Variants in ANKS1B observed in about 807,000 individuals in gnomAD.
ANKS1B encodes the protein ankyrin repeat and sterile alpha motif domain containing 1B.
A neutral mutation model predicts 148.3 loss-of-function variants in ANKS1B; 36 were observed. The ratio of observed to expected loss-of-function variants is 0.24; its 90% CI spans 0.19 to 0.32. The LOEUF (loss-of-function observed/expected upper bound fraction) is 0.32, where lower values mean the gene tolerates loss of function less well. ANKS1B is among the 10% of genes least tolerant of loss of function. The pLI, the probability that ANKS1B is intolerant of heterozygous loss-of-function variation, is 1.00. For synonymous variants in ANKS1B, 542 were observed against 560.8 expected (o/e 0.97, Z 0.47); for missense variants, 1,157 against 1,542.6 (o/e 0.75, Z 4.19).
intron 5 of ANKS1B, among the ~76,000 whole-genome samples, chr12:99,781,135 A>G (rs2064276244): frequency 6.6e-6 from 1 of 151,938 alleles, no homozygotes; most frequent in African/African-American, 2.4e-5. Flanking sequence ...TATTAAATAC[A>G]TGTTTAAATT....
intron 9 of ANKS1B, among the ~76,000 whole-genome samples, chr12:99,563,534 A>G (rs2097358878): frequency 6.6e-6 from 1 of 152,158 alleles, no homozygotes; most frequent in African/African-American, 2.4e-5. Flanking sequence ...TAAGTTAACT[A>G]TCCTATAATG....
At chr12:99,956,961 T>A (rs561306741) in intron 1 of ANKS1B, among the ~76,000 whole-genome samples, 4 of 152,232 alleles carry the variant, frequency 2.6e-5, no homozygotes, top group Non-Finnish European at 5.9e-5. Flanking sequence ...AGATATCAGA[T>A]GCTACAACTA....
intron 17 of ANKS1B, chr12:98,895,156 A>G (rs2099762235): frequency 1.0e-6 from 1 of 984,626 alleles, no homozygotes; most frequent in Non-Finnish European, 1.2e-6. Context: ...CCTCACTGCG[A>G]GAGCGATGCG....
intron 12 of ANKS1B, among the ~76,000 whole-genome samples, chr12:99,322,675 T>C (rs972237830): frequency 1.6e-4 from 24 of 152,154 alleles, no homozygotes; most frequent in African/African-American, 4.8e-4. Flanking sequence ...TTTGCCATGC[T>C]CTGAAGTCAC....
At chr12:99,569,939 C>A (rs149643815) in intron 9 of ANKS1B, among the ~76,000 whole-genome samples, 1 of 152,222 alleles carries the variant, frequency 6.6e-6, no homozygotes, top group East Asian at 1.9e-4. Flanking sequence ...GTCAGTTTAC[C>A]AGGGAACACT....
intron 8 of ANKS1B, among the ~76,000 whole-genome samples, chr12:99,721,918 C>G (rs2058127111): frequency 6.6e-6 from 1 of 152,206 alleles, no homozygotes; most frequent in Non-Finnish European, 1.5e-5. Context: ...GAAAGGGAAA[C>G]AGCCTGAATG....
chr12:98,972,371 G>T (rs2099883925), intron 17 of ANKS1B, among the ~76,000 whole-genome samples: 1 of 152,166 alleles, frequency 6.6e-6, no homozygotes, highest in South Asian at 2.1e-4. Context: ...GGATTTATCT[G>T]TATTAGTCGG....
intron 17 of ANKS1B, among the ~76,000 whole-genome samples, chr12:99,024,336 C>G (rs1042759682): frequency 6.6e-6 from 1 of 152,192 alleles, no homozygotes; most frequent in Admixed American, 6.6e-5. Flanking sequence ...ATCTAGTTCA[C>G]TGCTTCTAAC....
chr12:99,304,038 A>C (rs778527534), intron 12 of ANKS1B, among the ~76,000 whole-genome samples: 1 of 152,078 alleles, frequency 6.6e-6, no homozygotes, highest in African/African-American at 2.4e-5. Flanking sequence ...GGTTGGTTCC[A>C]TATTTTTGTG....
At chr12:99,271,311 A>T (rs1318737108) in intron 12 of ANKS1B, among the ~76,000 whole-genome samples, 1 of 152,290 alleles carries the variant, frequency 6.6e-6, no homozygotes, top group African/African-American at 2.4e-5. Flanking sequence ...AACTTCATGA[A>T]GCCTTTGTTG....
chr12:99,632,085 A>G (rs1394284890), intron 9 of ANKS1B, among the ~76,000 whole-genome samples: 2 of 152,162 alleles, frequency 1.3e-5, no homozygotes, highest in African/African-American at 2.4e-5. Flanking sequence ...CTCATTGCCC[A>G]GGTCCAACTT....
At chr12:99,356,587 C>T (rs895293864) in intron 12 of ANKS1B, among the ~76,000 whole-genome samples, 3 of 152,072 alleles carry the variant, frequency 2.0e-5, no homozygotes, top group African/African-American at 7.2e-5. Flanking sequence ...GCAGAACAGG[C>T]AATGGAGTAT....
chr12:99,668,756 C>T (rs2098522154), intron 8 of ANKS1B, among the ~76,000 whole-genome samples: 3 of 151,996 alleles, frequency 2.0e-5, no homozygotes, highest in African/African-American at 7.2e-5. Context: ...AACCCCTCCT[C>T]TCCTTCTGAA....
At chr12:99,247,488 AAG>A (rs2074013728) in intron 12 of ANKS1B, among the ~76,000 whole-genome samples, 1 of 152,228 alleles carries the variant, frequency 6.6e-6, no homozygotes, top group African/African-American at 2.4e-5. Context: ...GTATCAGAAA[AAG>A]AGAGACTCCA....
intron 11 of ANKS1B, among the ~76,000 whole-genome samples, chr12:99,411,800 G>A (rs984455113): frequency 2.6e-5 from 4 of 152,044 alleles, no homozygotes; most frequent in African/African-American, 9.7e-5. Context: ...CTTACTTACT[G>A]TATGGCTTCT....
intron 14 of ANKS1B, among the ~76,000 whole-genome samples, chr12:99,212,041 A>T (rs892132188): frequency 1.3e-5 from 2 of 152,188 alleles, no homozygotes; most frequent in Non-Finnish European, 2.9e-5. Flanking sequence ...ACAGGGAAAA[A>T]CAAGCAAACA....
chr12:98,807,969 G>A, intron 19 of ANKS1B, 51 bp from the exon 20 acceptor site: 1 of 1,422,108 alleles, frequency 7.0e-7, no homozygotes, highest in Non-Finnish European at 9.8e-7. Context: ...AAACATGGCA[G>A]CTACCAAGGT....
intron 8 of ANKS1B, among the ~76,000 whole-genome samples, chr12:99,760,191 T>C (rs1393920738): frequency 6.6e-6 from 1 of 151,588 alleles, no homozygotes; most frequent in African/African-American, 2.4e-5. Context: ...CAAGAATCAT[T>C]AACAATTAGA....
intron 1 of ANKS1B, among the ~76,000 whole-genome samples, chr12:99,977,969 T>C (rs1344614944): frequency 6.6e-6 from 1 of 152,216 alleles, no homozygotes; most frequent in African/African-American, 2.4e-5. Flanking sequence ...TCAGGTTCCA[T>C]AGGTTGAAAT....
Sources: gnomAD v4.1 joint callset for allele counts (sites outside exome capture counted in the v4.1 genomes callset) on GRCh38, gnomAD v4.1.1 for gene constraint, MANE v1.5 for transcripts, NCBI Gene and HGNC (gene_info 2026-07-23, HGNC 2026-07-21) for gene names.